ELMO1: variants seen among roughly 807,000 people sequenced by gnomAD.
ELMO1 encodes the protein engulfment and cell motility 1.
A neutral mutation model predicts 98.9 loss-of-function variants in ELMO1; 26 were observed. That is an observed-to-expected ratio of 0.26 (90% CI 0.19 to 0.36). The LOEUF (loss-of-function observed/expected upper bound fraction) is 0.36, where lower values mean the gene tolerates loss of function less well. ELMO1 is among the 10% of genes least tolerant of loss of function. ELMO1 has a pLI of 1.00. For synonymous variants in ELMO1, 346 were observed against 346.0 expected (o/e 1.00, Z 0.00); for missense variants, 627 against 935.2 (o/e 0.67, Z 4.30).
intron 7 of ELMO1, among the ~76,000 whole-genome samples, chr7:37,239,450 C>T (rs1382371199): frequency 6.6e-6 from 1 of 152,186 alleles, no homozygotes; most frequent in Admixed American, 6.5e-5. Flanking sequence ...CAGGCGTGAG[C>T]CACCGCGCCC....
intron 19 of ELMO1, among the ~76,000 whole-genome samples, chr7:36,877,656 A>G (rs1303303231): frequency 6.6e-6 from 1 of 152,196 alleles, no homozygotes; most frequent in Non-Finnish European, 1.5e-5. Flanking sequence ...TACGAAAATA[A>G]GAAATTATTT....
At chr7:36,938,946 T>G (rs1490518597) in intron 16 of ELMO1, among the ~76,000 whole-genome samples, 1 of 152,164 alleles carries the variant, frequency 6.6e-6, no homozygotes, top group Non-Finnish European at 1.5e-5. Context: ...GAGGATTGTT[T>G]GAGCCAGGGA....
chr7:37,124,686 A>G (rs1455879510), intron 14 of ELMO1, among the ~76,000 whole-genome samples: 1 of 152,226 alleles, frequency 6.6e-6, no homozygotes, highest in Non-Finnish European at 1.5e-5. Context: ...GGAAGAATCA[A>G]TATCATGAAA....
rs147389821 is a variant in ELMO1, at chr7:36,878,079, C to A, written c.1753G>T (p.Val585Phe). ...WYCRLSPNHKVLHYGDLEESP... is the reference protein window; with the variant it reads ...WYCRLSPNHKFLHYGDLEESP... ...TCTTCTAAGTCTCCGTAATGCAGGA[C>A]TTTGTGATTTGGCGAAAGCCGACAA... Residue 585 changes from valine to phenylalanine, a missense_variant, in exon 19 of 22, where the codon GTC becomes TTC. Coordinates refer to ENST00000310758, the MANE Select transcript of ELMO1 (RefSeq NM_014800.11). 1,983 of 1,614,078 alleles carry A rather than the reference C, an allele frequency of 1.2e-3. 2 individuals are homozygous for A. The highest frequency in any genetic ancestry group is 1.5e-3 in the Admixed American group (92 of 60,026).
chr7:37,224,376 A>C (rs1408949404), intron 9 of ELMO1, among the ~76,000 whole-genome samples: 1 of 152,232 alleles, frequency 6.6e-6, no homozygotes, highest in African/African-American at 2.4e-5. Flanking sequence ...AAAATCCTAC[A>C]TTTTATTATA....
chr7:37,156,338 A>G (rs1788762168), intron 13 of ELMO1, among the ~76,000 whole-genome samples: 1 of 152,236 alleles, frequency 6.6e-6, no homozygotes, highest in South Asian at 2.1e-4. Flanking sequence ...ACTGAAGGAG[A>G]CAGAGATACA....
chr7:37,359,488 T>C (rs565455000), intron 1 of ELMO1, among the ~76,000 whole-genome samples: 145 of 152,314 alleles, frequency 9.5e-4, no homozygotes, highest in African/African-American at 3.3e-3. Flanking sequence ...CTATATAACT[T>C]ACCCTGTGCC....
intron 16 of ELMO1, among the ~76,000 whole-genome samples, chr7:36,992,135 G>A (rs966187230): frequency 6.6e-6 from 1 of 152,058 alleles, no homozygotes; most frequent in South Asian, 2.1e-4. Flanking sequence ...TGATACCTAC[G>A]AACAGTAAGA....
At chr7:37,111,703 A>G (rs564041587) in intron 14 of ELMO1, among the ~76,000 whole-genome samples, 2 of 152,366 alleles carry the variant, frequency 1.3e-5, no homozygotes, top group South Asian at 2.1e-4. Context: ...TGAGAATTCA[A>G]TAAGGTAATG....
intron 13 of ELMO1, among the ~76,000 whole-genome samples, chr7:37,171,136 G>A (rs762560617): frequency 6.6e-6 from 1 of 151,916 alleles, no homozygotes; most frequent in Non-Finnish European, 1.5e-5. Context: ...TATTTTTCTT[G>A]TATTTTTTAT....
At chr7:37,447,283 G>T (rs1352225694) in intron 1 of ELMO1, among the ~76,000 whole-genome samples, 2 of 152,190 alleles carry the variant, frequency 1.3e-5, no homozygotes, top group East Asian at 3.8e-4. Flanking sequence ...CAAGTCACTG[G>T]CAGCGCCCAA....
intron 13 of ELMO1, among the ~76,000 whole-genome samples, chr7:37,162,402 T>A (rs933386707): frequency 2.0e-5 from 3 of 152,136 alleles, no homozygotes; most frequent in African/African-American, 7.2e-5. Flanking sequence ...AACTCTTCCA[T>A]CCACACAAGT....
At chr7:37,322,710 G>A (rs1799586047) in intron 2 of ELMO1, among the ~76,000 whole-genome samples, 1 of 152,008 alleles carries the variant, frequency 6.6e-6, no homozygotes, top group African/African-American at 2.4e-5. Flanking sequence ...GGCTGAGGTG[G>A]GAGGACTGCT....
intron 4 of ELMO1, among the ~76,000 whole-genome samples, chr7:37,307,437 T>C (rs1798670228): frequency 6.6e-6 from 1 of 152,190 alleles, no homozygotes; most frequent in Non-Finnish European, 1.5e-5. Flanking sequence ...ACCGTGATTG[T>C]CAGTTTCCTG....
At chr7:37,356,998 A>C (rs1801523577) in intron 1 of ELMO1, among the ~76,000 whole-genome samples, 1 of 152,120 alleles carries the variant, frequency 6.6e-6, no homozygotes, top group African/African-American at 2.4e-5. Context: ...CCCTATATCC[A>C]GGAGGAAGAC....
intron 1 of ELMO1, among the ~76,000 whole-genome samples, chr7:37,397,526 T>C (rs1370978296): frequency 3.3e-5 from 5 of 152,234 alleles, no homozygotes; most frequent in Admixed American, 3.3e-4. Context: ...GATCTATTTG[T>C]CTGTGATTTC....
intron 4 of ELMO1, among the ~76,000 whole-genome samples, chr7:37,276,502 T>TGGG (rs1796842558): frequency 6.6e-6 from 1 of 152,026 alleles, no homozygotes; most frequent in Non-Finnish European, 1.5e-5. Flanking sequence ...TCCCAGCTAC[T>TGGG]CGGGAGGCTG....
chr7:37,318,867 T>C (rs775881605), intron 2 of ELMO1, among the ~76,000 whole-genome samples: 1 of 152,206 alleles, frequency 6.6e-6, no homozygotes, highest in Non-Finnish European at 1.5e-5. Flanking sequence ...TATTTGACAC[T>C]GTTACTACTT....
intron 13 of ELMO1, among the ~76,000 whole-genome samples, chr7:37,201,437 T>C (rs1792288901): frequency 1.3e-5 from 2 of 152,200 alleles, no homozygotes; most frequent in Non-Finnish European, 2.9e-5. Context: ...AATACTTTCA[T>C]GACAGAGTAA....
Sources: allele counts gnomAD v4.1 joint callset (sites outside exome capture counted in the v4.1 genomes callset), GRCh38; gene constraint gnomAD v4.1.1; transcripts MANE v1.5; gene names NCBI Gene and HGNC (gene_info 2026-07-23, HGNC 2026-07-21).